Variants in KIAA1549L observed in about 807,000 individuals in gnomAD.
KIAA1549L encodes KIAA1549 like.
KIAA1549L carries 88 observed loss-of-function variants against 160.7 expected under a neutral mutation model. The observed-to-expected ratio is 0.55, with a 90% CI of 0.46 to 0.65. KIAA1549L has a LOEUF of 0.65. KIAA1549L is among the 30% of genes least tolerant of loss of function. KIAA1549L has a pLI of 0.00. For synonymous variants in KIAA1549L, 950 were observed against 976.7 expected, an observed-to-expected ratio of 0.97 and a Z score of 0.51; for missense variants, 2,258 against 2,437.5, an observed-to-expected ratio of 0.93 and a Z score of 1.55.
chr11:33,416,329 G>A (rs2134095302), intron 1 of KIAA1549L, among the ~76,000 whole-genome samples: 1 of 152,178 alleles, frequency 6.6e-6, no homozygotes, highest in South Asian at 2.1e-4. Context: ...TGTTGTAATT[G>A]GTCAGCTGTT....
At chr11:33,449,406 A>G (rs771115841) in intron 1 of KIAA1549L, among the ~76,000 whole-genome samples, 3 of 152,092 alleles carry the variant, frequency 2.0e-5, no homozygotes, top group Non-Finnish European at 4.4e-5. Context: ...TTGCCTGGAG[A>G]AGGAGGCAAG....
intron 1 of KIAA1549L, among the ~76,000 whole-genome samples, chr11:33,394,567 C>T (rs548410028): frequency 6.6e-5 from 10 of 152,252 alleles, no homozygotes; most frequent in Admixed American, 3.9e-4. Flanking sequence ...TCTGGATGGC[C>T]ACACTTGGCT....
At chr11:33,430,037 T>TCCTC (rs1554976194) in intron 1 of KIAA1549L, among the ~76,000 whole-genome samples, 5 of 137,698 alleles carry the variant, frequency 3.6e-5, no homozygotes, top group African/African-American at 1.1e-4. Context: ...CTTCCTTCCT[T>TCCTC]CCTTCCTTCC....
At chr11:33,422,041 A>G (rs4756683) in intron 1 of KIAA1549L, among the ~76,000 whole-genome samples, 109,682 of 151,942 alleles carry the variant, frequency 0.72, 39,596 homozygotes, top group African/African-American at 0.75. Context: ...CAATTGCATG[A>G]CACTTGTTTG....
intron 13 of KIAA1549L, among the ~76,000 whole-genome samples, chr11:33,603,576 G>A (rs554272893): frequency 1.3e-5 from 2 of 152,178 alleles, no homozygotes; most frequent in Admixed American, 6.5e-5. Context: ...GGAGGCCAAG[G>A]TGGGTGGATC....
intron 17 of KIAA1549L, among the ~76,000 whole-genome samples, chr11:33,652,859 G>T (rs552909857): frequency 2.0e-5 from 3 of 152,130 alleles, no homozygotes; most frequent in Non-Finnish European, 4.4e-5. Context: ...AAATTCACCA[G>T]GGCACCTCCT....
Position 33,507,836 on chromosome 11 carries a change from G to A in KIAA1549L, c.239-33966G>A, listed in dbSNP as rs1476426634. 2.6e-5 allele frequency among the ~76,000 whole-genome samples: 4 copies of A among 152,168 alleles called. No homozygotes were observed. In the East Asian group the frequency reaches 7.7e-4, roughly 29 times the overall value. ...TATATGACTCTGTTAGGGTTCGATT[G>A]CAGACAATTGAATTCACTCTAGCTA... On this transcript the variant is annotated intron_variant, in intron 1 of 20. Coordinates refer to ENST00000658780, the MANE Select transcript of KIAA1549L (RefSeq NM_012194.3).
At chr11:33,517,713 A>G (rs564691486) in intron 1 of KIAA1549L, among the ~76,000 whole-genome samples, 1 of 152,320 alleles carries the variant, frequency 6.6e-6, no homozygotes, top group African/African-American at 2.4e-5. Flanking sequence ...CAGAGGACAG[A>G]GGAACATGTT....
At chr11:33,454,828 G>A (rs1414495699) in intron 1 of KIAA1549L, among the ~76,000 whole-genome samples, 3 of 152,154 alleles carry the variant, frequency 2.0e-5, no homozygotes, top group Admixed American at 1.3e-4. Context: ...GGTGGCTCAC[G>A]CCTGTAATCT....
chr11:33,654,921 A>G (rs1475416907), intron 17 of KIAA1549L, among the ~76,000 whole-genome samples: 2 of 152,176 alleles, frequency 1.3e-5, no homozygotes, highest in Non-Finnish European at 2.9e-5. Flanking sequence ...TTCATTATTC[A>G]GTTGAAAGAA....
chr11:33,387,582 A>G (rs1850198078), intron 1 of KIAA1549L, among the ~76,000 whole-genome samples: 1 of 152,076 alleles, frequency 6.6e-6, no homozygotes, highest in Admixed American at 6.5e-5. Context: ...CTGGGATTAT[A>G]GGCATGAACT....
At chr11:33,511,361 A>G (rs914164962) in intron 1 of KIAA1549L, among the ~76,000 whole-genome samples, 3 of 152,208 alleles carry the variant, frequency 2.0e-5, no homozygotes, top group African/African-American at 7.2e-5. Context: ...AGTGTGACCA[A>G]TGCATGGGGA....
chr11:33,533,144 A>G (rs978546460), intron 1 of KIAA1549L, among the ~76,000 whole-genome samples: 1 of 152,200 alleles, frequency 6.6e-6, no homozygotes, highest in Non-Finnish European at 1.5e-5. Flanking sequence ...GAGCCAGATC[A>G]GTACATGTGC....
chr11:33,557,532 G>A (rs1268527794), intron 6 of KIAA1549L, among the ~76,000 whole-genome samples: 1 of 152,102 alleles, frequency 6.6e-6, no homozygotes, highest in Non-Finnish European at 1.5e-5. Context: ...GAGAGTCAGA[G>A]TTGAATGGAC....
At chr11:33,531,480 T>A (rs1372321179) in intron 1 of KIAA1549L, among the ~76,000 whole-genome samples, 1 of 151,660 alleles carries the variant, frequency 6.6e-6, no homozygotes, top group Non-Finnish European at 1.5e-5. Flanking sequence ...CTCAAAAAAA[T>A]AAATAAGTAA....
chr11:33,384,056 G>C (rs1305181043), intron 1 of KIAA1549L, among the ~76,000 whole-genome samples: 1 of 152,096 alleles, frequency 6.6e-6, no homozygotes, highest in Non-Finnish European at 1.5e-5. Flanking sequence ...GTGCAATCAT[G>C]CGTCCACCAC....
intron 1 of KIAA1549L, among the ~76,000 whole-genome samples, chr11:33,475,103 C>A (rs1474947652): frequency 6.6e-6 from 1 of 152,168 alleles, no homozygotes; most frequent in East Asian, 1.9e-4. Flanking sequence ...GCTTCTCATT[C>A]TCCTGCAATG....
intron 17 of KIAA1549L, among the ~76,000 whole-genome samples, chr11:33,653,073 G>C (rs1233276693): frequency 1.3e-5 from 2 of 152,194 alleles, no homozygotes; most frequent in Non-Finnish European, 2.9e-5. Flanking sequence ...GCTGAATCAA[G>C]ATAACAGCCT....
intron 16 of KIAA1549L, among the ~76,000 whole-genome samples, chr11:33,633,142 T>C (rs1851347303): frequency 1.3e-5 from 1 of 75,132 alleles, no homozygotes; most frequent in Admixed American, 1.5e-4. Context: ...TGCCCAGCTT[T>C]TTTTTTTTTT....
Sources: allele counts gnomAD v4.1 joint callset (sites outside exome capture counted in the v4.1 genomes callset), GRCh38; gene constraint gnomAD v4.1.1; transcripts MANE v1.5; gene names NCBI Gene and HGNC (gene_info 2026-07-23, HGNC 2026-07-21).